The following RNF41 variants were observed in gnomAD, a reference collection of about 807,000 sequenced individuals.
RNF41 encodes the protein E3 ubiquitin-protein ligase NRDP1.
Under a neutral mutation model 33.0 loss-of-function variants are expected in RNF41, and 4 were observed. The observed-to-expected ratio is 0.12, with a 90% confidence interval of 0.06 to 0.28. The LOEUF (loss-of-function observed/expected upper bound fraction) is 0.28. RNF41 is among the 10% of genes least tolerant of loss of function. RNF41 has a pLI of 1.00. For synonymous variants in RNF41, 164 were observed against 153.2 expected, an observed-to-expected ratio of 1.07 and a Z score of -0.52; for missense variants, 228 against 432.6, an observed-to-expected ratio of 0.53 and a Z score of 4.19.
chr12:56,210,332 G>A lies in RNF41; in HGVS notation c.327C>T (p.Asn109=). 1 of 1,614,114 alleles carries A rather than the reference G, an allele frequency of 6.2e-7. No homozygotes were observed. The highest frequency in any genetic ancestry group is 1.3e-5 in the African/African-American group (1 of 75,046). The change falls in exon 4 of 7, where the codon AAC becomes AAT. Residue 109 remains asparagine, a synonymous_variant. Transcript: ENST00000345093. ...GTTCACAGGTCACAGGCCGCTTCGGGTTGTGCTCACAGTCGCTGAGGTGAG... is the reference window on the plus strand; with the variant it reads ...GTTCACAGGTCACAGGCCGCTTCGGATTGTGCTCACAGTCGCTGAGGTGAG... ...LMSHLSDCEH[N]PKRPVTCEQG... is the part of the protein sequence containing the mutation.
At position 56,203,375 on chromosome 12, in the gene RNF41, TAGC is replaced by T. The variant is rs1224549397; in HGVS notation, c.*3069_*3071del. 1 of 144,244 alleles carries T rather than the reference TAGC, an allele frequency of 6.9e-6. No individual in the cohort carries two copies. Among genetic ancestry groups the T allele is most frequent in the Non-Finnish European group, 1.5e-5 (1 of 66,558 alleles). The allele number at this position is 144,244 out of a possible 1,614,324, so 8.9% of individuals were successfully genotyped here. A position where few individuals can be genotyped will look rare whatever the true frequency, so the allele number is the denominator to read the frequency against. ...TCCTTTTTCTTATGACAGGGAAAGG[TAGC>T]AGCAAATACTTATGAAGACTGGTTT... is the stretch of plus-strand genomic sequence containing the variant. On this transcript the variant is annotated 3_prime_UTR_variant, in exon 7 of 7. Transcript: ENST00000345093.
intron 4 of RNF41, among the ~76,000 whole-genome samples, chr12:56,208,712 G>A (rs1056558548): frequency 3.5e-5 from 5 of 142,266 alleles, no homozygotes; most frequent in South Asian, 2.3e-4. Context: ...TTACAGGTGC[G>A]CGCCACCATG....
Position 56,206,342 on chromosome 12 carries a change from G to C in RNF41, c.*105C>G. ...AAGGGCAGGGAGATGTGTGGCTCAGGTATAAGCCACAGTATTAAGAATGGT... is the reference window on the plus strand; with the variant it reads ...AAGGGCAGGGAGATGTGTGGCTCAGCTATAAGCCACAGTATTAAGAATGGT... On this transcript the variant is annotated 3_prime_UTR_variant, in exon 7 of 7. Transcript: ENST00000345093. This position sits in a 1 kb window ranked among gnomAD's most constrained non-coding sequence, Gnocchi z 5.7. 5.1e-6 allele frequency: 5 copies of C among 989,326 alleles called. No homozygotes were observed. The highest frequency in any genetic ancestry group is 6.1e-6 in the Non-Finnish European group (4 of 658,890). 61.3% of individuals were successfully genotyped at this position (989,326 alleles called of 1,614,324 possible).
chr12:56,208,270 T>C lies in RNF41; in HGVS notation c.391A>G (p.Asn131Asp), dbSNP rs1194105519. The C allele has an allele frequency of 6.2e-7, 1 of 1,614,182 alleles. No individual in the cohort carries two copies. The highest frequency in any genetic ancestry group is 8.5e-7 in the Non-Finnish European group (1 of 1,180,032). ...CGCAGGTGCTTAATGCAGTTATGGT[T>C]GGGCAGCTCATCTTTGGGCATCTCC... is the stretch of plus-strand genomic sequence containing the variant. ...GLEMPKDELPNHNCIKHLRSV... is the reference protein window; with the variant it reads ...GLEMPKDELPDHNCIKHLRSV... The change falls in exon 5 of 7, where the codon AAC becomes GAC. Residue 131 changes from asparagine (N) to aspartate (D), a missense_variant. Physicochemically the swap from Asn to Asp is conservative, Grantham distance 23. This residue lies in a region of RNF41 where 199 missense variants were observed against 334.6 expected (regional missense o/e 0.59). Transcript: ENST00000345093.
chr12:56,207,617 A>C (rs371112541), intron 6 of RNF41, 29 bp downstream of exon 6: 1 of 1,511,082 alleles, frequency 6.6e-7, no homozygotes, highest in African/African-American at 1.4e-5. Context: ...CAGGACATGA[A>C]ATCACTCCAC....
At position 56,206,446 on chromosome 12, in the gene RNF41, C is replaced by T; in HGVS notation, c.*1G>A. 1 of 1,606,686 alleles carries T rather than the reference C, an allele frequency of 6.2e-7. No homozygotes were observed. Among genetic ancestry groups the T allele is most frequent in the African/African-American group, 1.3e-5 (1 of 74,864 alleles). ...TCTTCCTGATAGCCAGTCGAGTTCT[C>T]TTATATCTCTTCCACGCCATGCGCA... On this transcript the variant is annotated 3_prime_UTR_variant, in exon 7 of 7. Transcript: ENST00000345093. This position sits in a 1 kb window ranked among gnomAD's most constrained non-coding sequence, Gnocchi z 5.7.
At chr12:56,221,157 A>T (rs1305058383) in intron 1 of RNF41, among the ~76,000 whole-genome samples, 2 of 151,622 alleles carry the variant, frequency 1.3e-5, no homozygotes, top group Non-Finnish European at 2.9e-5. Context: ...CCACTACCCA[A>T]TTTCCCAAAG....
At chr12:56,213,004 CGTGA>C in intron 3 of RNF41, 1 of 1,289,784 alleles carries the variant, frequency 7.8e-7, no homozygotes, top group Non-Finnish European at 1.0e-6. Context: ...GCCTGGTAAT[CGTGA>C]GCTTCTCCTC....
In RNF41 at chr12:56,206,286, A is replaced by G; in HGVS notation, c.*161T>C. Reference sequence around the variant, plus strand: ...TCTGGGTTTCCCACCTGAAAGGCTGAGCAAACTACCCCAAGGCCCTTCAGT... The same window carrying G: ...TCTGGGTTTCCCACCTGAAAGGCTGGGCAAACTACCCCAAGGCCCTTCAGT... On this transcript the variant is annotated 3_prime_UTR_variant, in exon 7 of 7. Transcript: ENST00000345093. This position sits in a 1 kb window ranked among gnomAD's most constrained non-coding sequence, Gnocchi z 5.7. 1 of 667,506 alleles carries G rather than the reference A, an allele frequency of 1.5e-6. No homozygotes were observed. The highest frequency in any genetic ancestry group is 2.6e-6 in the Non-Finnish European group (1 of 388,040). The allele number at this position is 667,506 out of a possible 1,614,324, so 41.3% of individuals were successfully genotyped here.
At chr12:56,207,050 T>G (rs1055155574) in intron 6 of RNF41, 1 of 1,284,876 alleles carries the variant, frequency 7.8e-7, no homozygotes, top group African/African-American at 1.5e-5. Flanking sequence ...ATTCCAATAC[T>G]TAGCACATAT....
At chr12:56,215,163 C>T (rs1421518365) in intron 2 of RNF41, among the ~76,000 whole-genome samples, 1 of 152,176 alleles carries the variant, frequency 6.6e-6, no homozygotes. Flanking sequence ...AAAAGGCTGA[C>T]CTGAGAGGTG....
At chr12:56,219,194 TATTTA>T (rs1869144173) in intron 1 of RNF41, among the ~76,000 whole-genome samples, 2 of 149,194 alleles carry the variant, frequency 1.3e-5, no homozygotes, top group African/African-American at 2.4e-5. Context: ...TTTATTTATT[TATTTA>T]TTTTTTTTTT....
rs983942525 is a variant in RNF41 at position 56,204,493 on chromosome 12, C to T, written c.*1954G>A. On this transcript the variant is annotated 3_prime_UTR_variant, in exon 7 of 7. Transcript: ENST00000345093. The stretch of plus-strand genomic sequence containing the variant: ...AACCTTCTCAAGAAAGGGAGTAATG[C>T]TGAAGAATTTAGAGAGTTGAGTAAA... 6.6e-6 allele frequency: 1 copy of T among 152,222 alleles called. No individual in the cohort carries two copies. Among genetic ancestry groups the T allele is most frequent in the Non-Finnish European group, 1.5e-5 (1 of 68,056 alleles). The allele number at this position is 152,222 out of a possible 1,614,324, so 9.4% of individuals were successfully genotyped here.
intron 3 of RNF41, among the ~76,000 whole-genome samples, chr12:56,211,277 G>A (rs985271955): frequency 6.6e-5 from 10 of 152,158 alleles, no homozygotes; most frequent in African/African-American, 2.4e-4. Context: ...GGCGGAGGTT[G>A]CAGTGAACCA....
At chr12:56,207,064 G>T in intron 6 of RNF41, 1 of 1,304,512 alleles carries the variant, frequency 7.7e-7, no homozygotes, top group Non-Finnish European at 1.0e-6. Flanking sequence ...CACATATAGC[G>T]CCTAACACAG....
At chr12:56,215,659 C>T (rs911752558) in intron 2 of RNF41, among the ~76,000 whole-genome samples, 1 of 141,928 alleles carries the variant, frequency 7.0e-6, no homozygotes, top group African/African-American at 2.7e-5. Flanking sequence ...GCGGAGGTTG[C>T]AGTGAGCCGA....
intron 3 of RNF41, among the ~76,000 whole-genome samples, 181 bp downstream of exon 3, chr12:56,213,777 G>C (rs970052429): frequency 2.6e-5 from 4 of 152,198 alleles, no homozygotes; most frequent in Admixed American, 6.5e-5. Flanking sequence ...TCCACCTCTA[G>C]ATTGATTCTG....
intron 1 of RNF41, among the ~76,000 whole-genome samples, chr12:56,218,685 T>C (rs935614043): frequency 6.7e-6 from 1 of 148,722 alleles, no homozygotes; most frequent in Non-Finnish European, 1.5e-5. Flanking sequence ...ATATAATATA[T>C]ACATATTTAT....
chr12:56,202,519 A>T lies in RNF41; in HGVS notation c.*3928T>A, dbSNP rs1023403817. On this transcript the variant is annotated 3_prime_UTR_variant, in exon 7 of 7. Coordinates refer to ENST00000345093, the MANE Select transcript of RNF41 (RefSeq NM_005785.4). ...ACAGACAATATATAAACAAGTGGGC[A>T]TAACTGTATTCCAATAAAGTTTTTT... 2 of 152,250 alleles carry T rather than the reference A, an allele frequency of 1.3e-5. No individual in the cohort carries two copies. The highest frequency in any genetic ancestry group is 2.9e-5 in the Non-Finnish European group (2 of 68,050). 9.4% of individuals were successfully genotyped at this position (152,250 alleles called of 1,614,324 possible).
Sources: allele counts gnomAD v4.1 joint callset (sites outside exome capture counted in the v4.1 genomes callset), GRCh38; gene constraint gnomAD v4.1.1; regional missense constraint gnomAD v4.1.1; non-coding constraint Gnocchi (gnomAD v3.1); transcripts MANE v1.5; gene names NCBI Gene and HGNC (gene_info 2026-07-23, HGNC 2026-07-21).